The following ANO4 variants were observed in gnomAD, a reference collection of about 807,000 sequenced individuals.
ANO4 encodes anoctamin-4.
In ANO4, 69 loss-of-function variants were observed where a neutral mutation model predicts 141.9. The ratio of observed to expected loss-of-function variants is 0.49; its 90% CI spans 0.40 to 0.59. ANO4 has a LOEUF of 0.59. Ranked by LOEUF, ANO4 falls within the 20% of genes least tolerant of loss-of-function variation. ANO4 has a pLI of 0.00. For missense variants in ANO4, 894 were observed against 1,162.2 expected (o/e 0.77, Z 3.36); for synonymous variants, 350 against 394.3 (o/e 0.89, Z 1.33).
chr12:101,092,374 A>G (rs1410375844), intron 17 of ANO4, among the ~76,000 whole-genome samples: 1 of 152,244 alleles, frequency 6.6e-6, no homozygotes, highest in Non-Finnish European at 1.5e-5. Context: ...CCGGTTACAG[A>G]TATTCACAAT....
intron 26 of ANO4, among the ~76,000 whole-genome samples, chr12:101,124,587 A>AT (rs2051229525): frequency 6.6e-6 from 1 of 152,010 alleles, no homozygotes; most frequent in South Asian, 2.1e-4. Context: ...TTCTTCTAGG[A>AT]TTTTTATAGT....
chr12:100,947,996 A>G (rs909668871), intron 5 of ANO4, among the ~76,000 whole-genome samples: 4 of 152,086 alleles, frequency 2.6e-5, no homozygotes, highest in African/African-American at 9.7e-5. Flanking sequence ...ATCCTGGCTA[A>G]CATGGTGAAA....
intron 5 of ANO4, among the ~76,000 whole-genome samples, chr12:100,962,749 G>C (rs1010635065): frequency 6.6e-6 from 1 of 152,150 alleles, no homozygotes; most frequent in Non-Finnish European, 1.5e-5. Context: ...TCTTCAAAGC[G>C]AGCAGGAGAA....
chr12:100,812,837 T>A (rs2035525218), intron 1 of ANO4, among the ~76,000 whole-genome samples: 1 of 152,188 alleles, frequency 6.6e-6, no homozygotes, highest in Non-Finnish European at 1.5e-5. Flanking sequence ...CATAAGACAA[T>A]TTTGTGTTAA....
At chr12:101,052,990 C>A (rs2047935722) in intron 14 of ANO4, among the ~76,000 whole-genome samples, 1 of 152,182 alleles carries the variant, frequency 6.6e-6, no homozygotes, top group African/African-American at 2.4e-5. Context: ...AGAGTCATTC[C>A]AAAGTGTGTC....
intron 4 of ANO4, among the ~76,000 whole-genome samples, chr12:100,940,149 A>G (rs1392168892): frequency 6.6e-6 from 1 of 151,524 alleles, no homozygotes; most frequent in Non-Finnish European, 1.5e-5. Context: ...AGCTTTGCAG[A>G]CTTCACCCCA....
chr12:101,097,783 A>G, intron 20 of ANO4, 65 bp from the exon 21 acceptor site: 2 of 1,606,760 alleles, frequency 1.2e-6, no homozygotes, highest in Non-Finnish European at 1.7e-6. Flanking sequence ...TGTGTAGATT[A>G]TAAACCAGAC....
intron 17 of ANO4, 71 bp from the exon 18 acceptor site, chr12:101,094,185 A>G (rs2049887226): frequency 7.9e-7 from 1 of 1,260,032 alleles, no homozygotes; most frequent in Non-Finnish European, 1.2e-6. Flanking sequence ...TTGACTCCCT[A>G]TTTCCTTTGT....
chr12:101,057,961 G>T (rs184088040), intron 14 of ANO4, among the ~76,000 whole-genome samples: 2 of 152,174 alleles, frequency 1.3e-5, no homozygotes, highest in Admixed American at 1.3e-4. Flanking sequence ...GAATGGTATT[G>T]CCTAGGTTTT....
intron 7 of ANO4, among the ~76,000 whole-genome samples, chr12:100,978,506 A>G (rs1359807242): frequency 3.3e-5 from 5 of 152,258 alleles, no homozygotes; most frequent in African/African-American, 1.2e-4. Flanking sequence ...ATGTTTGAAC[A>G]TCTCTGGAGA....
chr12:100,958,540 A>G (rs1427485174), intron 5 of ANO4, among the ~76,000 whole-genome samples: 1 of 152,208 alleles, frequency 6.6e-6, no homozygotes, highest in Non-Finnish European at 1.5e-5. Flanking sequence ...TAAATAATAC[A>G]GTATGTTAGA....
At chr12:101,114,772 A>G (rs1293971581) in intron 24 of ANO4, among the ~76,000 whole-genome samples, 1 of 152,046 alleles carries the variant, frequency 6.6e-6, no homozygotes, top group African/African-American at 2.4e-5. Context: ...TCCTCAAGGC[A>G]CTAATTTATT....
chr12:100,913,806 G>A (rs1456526554), intron 2 of ANO4, among the ~76,000 whole-genome samples: 1 of 152,176 alleles, frequency 6.6e-6, no homozygotes, highest in Non-Finnish European at 1.5e-5. Flanking sequence ...CTGAGTTTGA[G>A]CTGACAGGCC....
chr12:101,127,202 A>C, intron 27 of ANO4, 128 bp downstream of exon 27: 1 of 978,492 alleles, frequency 1.0e-6, no homozygotes, highest in Non-Finnish European at 1.5e-6. Flanking sequence ...AAGCTTCCCA[A>C]TCCAAAAGAA....
At chr12:100,833,695 A>G (rs568753442) in intron 1 of ANO4, among the ~76,000 whole-genome samples, 1 of 152,148 alleles carries the variant, frequency 6.6e-6, no homozygotes, top group Non-Finnish European at 1.5e-5. Context: ...TTCTTGAGGA[A>G]GGTGTCTAGC....
chr12:101,023,361 G>T (rs138874783), intron 9 of ANO4, among the ~76,000 whole-genome samples: 1 of 152,162 alleles, frequency 6.6e-6, no homozygotes, highest in Admixed American at 6.5e-5. Flanking sequence ...TCTATTCAAA[G>T]ACCTCCATGT....
At position 100,721,280 on chromosome 12, in the gene ANO4, G is replaced by C. The variant is rs553112846; in HGVS notation, c.22+3733G>C. Among the ~76,000 whole-genome samples the C allele has an allele frequency of 2.0e-5, 3 of 152,298 alleles. No individual in the cohort carries two copies. In the East Asian group the frequency reaches 5.8e-4, roughly 29 times the overall value. On this transcript the variant is annotated intron_variant, in intron 1 of 29. Transcript: ENST00000644049. ...AGCCTTAACCCAGGGTTACTAGAAC[G>C]AATAAGATCTCCCGCTGTTTCTGTG...
intron 15 of ANO4, among the ~76,000 whole-genome samples, chr12:101,081,514 G>A (rs1040694367): frequency 1.2e-4 from 19 of 152,114 alleles, no homozygotes; most frequent in Non-Finnish European, 2.6e-4. Flanking sequence ...GCCTACATAC[G>A]TAGCCATTCC....
At chr12:101,049,519 A>T (rs2047772789) in intron 14 of ANO4, among the ~76,000 whole-genome samples, 1 of 151,670 alleles carries the variant, frequency 6.6e-6, no homozygotes. Flanking sequence ...GGAATCAGTA[A>T]GTTTCTGTTG....
Sources: gnomAD v4.1 joint callset for allele counts (sites outside exome capture counted in the v4.1 genomes callset) on GRCh38, gnomAD v4.1.1 for gene constraint, MANE v1.5 for transcripts, NCBI Gene and HGNC (gene_info 2026-07-23, HGNC 2026-07-21) for gene names.